Variants in AREL1 observed in about 807,000 individuals in gnomAD.
AREL1 encodes apoptosis-resistant E3 ubiquitin protein ligase 1.
A neutral mutation model predicts 99.0 loss-of-function variants in AREL1; 62 were observed. That is an observed-to-expected ratio of 0.63 (90% CI 0.51 to 0.77). AREL1 has a LOEUF of 0.77. AREL1 is among the 30% of genes least tolerant of loss of function. The pLI is 0.00. For synonymous variants in AREL1, 380 were observed against 376.5 expected (o/e 1.01, Z -0.11); for missense variants, 879 against 1,027.6 (o/e 0.86, Z 1.98).
Position 74,675,846 on chromosome 14 carries a change from T to G in AREL1, c.933A>C (p.Pro311=). 6.2e-7 allele frequency: 1 copy of G among 1,614,186 alleles called. No homozygotes were observed. Among genetic ancestry groups the G allele is most frequent in the East Asian group, 2.2e-5 (1 of 44,888 alleles). ...TCATGTGCATGGGTGGCAGGTGCCA[T>G]GGAGTGCTGCTACAGTTGGTAGCAT... ...LYNATNCSST[P]WHLPPMHMTS... is the part of the protein sequence containing the mutation. The change falls in exon 8 of 20, where the codon CCA becomes CCC. Residue 311 remains proline (P), a synonymous_variant. Transcript: ENST00000356357.
At chr14:74,666,486 T>C (rs2089211585) in intron 17 of AREL1, among the ~76,000 whole-genome samples, 1 of 152,210 alleles carries the variant, frequency 6.6e-6, no homozygotes, top group Non-Finnish European at 1.5e-5. Flanking sequence ...ATATATACTA[T>C]ATACTGTTTT....
At chr14:74,677,817 TAA>T (rs78780006) in intron 5 of AREL1, among the ~76,000 whole-genome samples, 16 of 136,192 alleles carry the variant, frequency 1.2e-4, no homozygotes, top group Admixed American at 3.7e-4. Context: ...GTCTCTTTAT[TAA>T]AAAAAAAAAA....
chr14:74,667,251 C>T, intron 17 of AREL1, 68 bp downstream of exon 17: 2 of 1,589,048 alleles, frequency 1.3e-6, no homozygotes, highest in Non-Finnish European at 1.7e-6. Context: ...AGAAGGTACA[C>T]CAAGCTGGTT....
chr14:74,663,803 G>T lies in AREL1; in HGVS notation c.2389C>A (p.Pro797Thr). ...ACCTCTTCATAGGAGTCATATGTAG[G>T]GAGGCACAGCTGGTTAAAACTGGAA... ...AHTCFNQLCLPTYDSYEEVHR... is the reference protein window; with the variant it reads ...AHTCFNQLCLTTYDSYEEVHR... Residue 797 changes from proline (P) to threonine (T), a missense_variant, in exon 20 of 20, where the codon CCT becomes ACT. Pro to Thr is a conservative substitution (Grantham distance 38). Transcript: ENST00000356357. 1 of 1,614,138 alleles carries T rather than the reference G, an allele frequency of 6.2e-7. No individual in the cohort carries two copies. Among genetic ancestry groups the T allele is most frequent in the South Asian group, 1.1e-5 (1 of 91,072 alleles).
rs1231407359 is a variant in AREL1, at chr14:74,662,922, C to T, written c.*798G>A. 7.1e-6 allele frequency: 2 copies of T among 282,558 alleles called. No homozygotes were observed. Among genetic ancestry groups the T allele is most frequent in the Non-Finnish European group, 6.6e-6 (1 of 152,364 alleles). 17.5% of individuals were successfully genotyped at this position (282,558 alleles called of 1,614,324 possible). A position where few individuals can be genotyped will look rare whatever the true frequency, so the allele number is the denominator to read the frequency against. On this transcript the variant is annotated 3_prime_UTR_variant, in exon 20 of 20. Transcript: ENST00000356357. ...CAATAACAAACTCAGGGAAAAGCAT[C>T]AGTAGTCTCCAAGCCAGCCATATGC...
intron 1 of AREL1, among the ~76,000 whole-genome samples, chr14:74,695,364 G>A (rs2089964542): frequency 6.6e-6 from 1 of 152,126 alleles, no homozygotes; most frequent in Non-Finnish European, 1.5e-5. Context: ...ACAGGAATGA[G>A]CCACCACACC....
chr14:74,677,184 G>C (rs1183636141), intron 5 of AREL1, among the ~76,000 whole-genome samples: 2 of 150,988 alleles, frequency 1.3e-5, no homozygotes, highest in Non-Finnish European at 3.0e-5. Flanking sequence ...CAATTCCTAG[G>C]GATAAATAAC....
chr14:74,675,312 T>C (rs898764248), intron 8 of AREL1, among the ~76,000 whole-genome samples: 5 of 152,204 alleles, frequency 3.3e-5, no homozygotes, highest in Non-Finnish European at 2.9e-5. Context: ...AGAGTCTCAT[T>C]TTTATGAGGA....
chr14:74,709,107 A>C (rs2090236183), intron 1 of AREL1, among the ~76,000 whole-genome samples: 1 of 152,248 alleles, frequency 6.6e-6, no homozygotes, highest in African/African-American at 2.4e-5. Flanking sequence ...AATAACTGAA[A>C]TTTAAACCCA....
chr14:74,672,609 T>C (rs1345578053), intron 11 of AREL1, among the ~76,000 whole-genome samples: 1 of 151,956 alleles, frequency 6.6e-6, no homozygotes, highest in Non-Finnish European at 1.5e-5. Flanking sequence ...TGGTGACACA[T>C]ACCTATAGTC....
At chr14:74,690,492 A>G (rs1211252701) in intron 2 of AREL1, among the ~76,000 whole-genome samples, 1 of 152,138 alleles carries the variant, frequency 6.6e-6, no homozygotes, top group East Asian at 1.9e-4. Flanking sequence ...AAAGTTGCCA[A>G]TTTAATTCAG....
intron 1 of AREL1, among the ~76,000 whole-genome samples, chr14:74,696,214 T>C (rs2089976572): frequency 6.6e-6 from 1 of 152,186 alleles, no homozygotes; most frequent in Non-Finnish European, 1.5e-5. Context: ...AACTACCTTA[T>C]ATAAACAAAT....
rs775034342 is a variant in AREL1, at chr14:74,683,530, A to G, written c.247T>C (p.Phe83Leu). 6.2e-7 allele frequency: 1 copy of G among 1,613,998 alleles called. No homozygotes were observed. The highest frequency in any genetic ancestry group is 2.2e-5 in the East Asian group (1 of 44,868). ...GGGAAAGGCTGCCCGTTCTTATAGAATAACTGCCATGGGGAGAAGAAGGAC... is the reference window on the plus strand; with the variant it reads ...GGGAAAGGCTGCCCGTTCTTATAGAGTAACTGCCATGGGGAGAAGAAGGAC... ...GHSMAFRVHL[F>L]YKNGQPFPAH... Residue 83 changes from phenylalanine to leucine, a missense_variant, in exon 5 of 20, where the codon TTC (phenylalanine) becomes CTC (leucine). Phe to Leu is a conservative substitution (Grantham distance 22). Transcript: ENST00000356357.
At chr14:74,675,547 GA>G in intron 8 of AREL1, 151 bp downstream of exon 8, 1 of 1,116,298 alleles carries the variant, frequency 9.0e-7, no homozygotes, top group South Asian at 1.7e-5. Context: ...ATGCTAGCAA[GA>G]AATTTTTAAC....
At chr14:74,686,501 C>T (rs925212434) in intron 2 of AREL1, among the ~76,000 whole-genome samples, 1 of 152,220 alleles carries the variant, frequency 6.6e-6, no homozygotes, top group African/African-American at 2.4e-5. Flanking sequence ...GCTGTATATG[C>T]TATTTTACAA....
chr14:74,705,254 G>A (rs1325427106), intron 1 of AREL1, among the ~76,000 whole-genome samples: 1 of 152,132 alleles, frequency 6.6e-6, no homozygotes, highest in Non-Finnish European at 1.5e-5. Flanking sequence ...GGTCAGGCTG[G>A]TCTCGAACTC....
At chr14:74,689,698 G>A (rs1403031611) in intron 2 of AREL1, among the ~76,000 whole-genome samples, 1 of 146,562 alleles carries the variant, frequency 6.8e-6, no homozygotes, top group Non-Finnish European at 1.5e-5. Flanking sequence ...CTGGGTTCAA[G>A]CGATTCTCCT....
At chr14:74,693,245 G>A (rs1324223058) in intron 1 of AREL1, among the ~76,000 whole-genome samples, 1 of 152,178 alleles carries the variant, frequency 6.6e-6, no homozygotes, top group African/African-American at 2.4e-5. Context: ...AGCCTATGCA[G>A]TCTGCTCCCT....
intron 15 of AREL1, 131 bp from the exon 16 acceptor site, chr14:74,667,725 C>T: frequency 8.2e-7 from 1 of 1,213,020 alleles, no homozygotes; most frequent in Non-Finnish European, 1.1e-6. Flanking sequence ...TTCTGCTGTG[C>T]ATTCAGCTTT....
Sources: gnomAD v4.1 joint callset for allele counts (sites outside exome capture counted in the v4.1 genomes callset) on GRCh38, gnomAD v4.1.1 for gene constraint, MANE v1.5 for transcripts, NCBI Gene and HGNC (gene_info 2026-07-23, HGNC 2026-07-21) for gene names.